NXPE2: variants seen among roughly 807,000 people sequenced by gnomAD.
The protein encoded by NXPE2 is NXPE family member 2.
Under a neutral mutation model 34.4 loss-of-function variants are expected in NXPE2, and 34 were observed. The ratio of observed to expected loss-of-function variants is 0.99; its 90% CI spans 0.75 to 1.31. The LOEUF (loss-of-function observed/expected upper bound fraction) is 1.31. NXPE2 is among the 40% of genes most tolerant of loss of function. The pLI is 0.00. For synonymous variants in NXPE2, 235 were observed against 231.3 expected (o/e 1.02, Z -0.15); for missense variants, 649 against 672.5 (o/e 0.97, Z 0.39).
At chr11:114,704,698 C>T (rs1490820877) in intron 4 of NXPE2, among the ~76,000 whole-genome samples, 1 of 152,172 alleles carries the variant, frequency 6.6e-6, no homozygotes, top group Non-Finnish European at 1.5e-5. Flanking sequence ...TGAGGTCCTA[C>T]TGTACAAAGA....
the NXPE2 span, among the ~76,000 whole-genome samples, chr11:114,593,958 G>A: frequency 2.6e-5 from 4 of 152,066 alleles, no homozygotes; most frequent in African/African-American, 9.7e-5. Flanking sequence ...TTTATTTGTG[G>A]AAGTTAATAC....
chr11:114,593,819 A>G, the NXPE2 span, among the ~76,000 whole-genome samples: 1 of 152,190 alleles, frequency 6.6e-6, no homozygotes, highest in Non-Finnish European at 1.5e-5. Flanking sequence ...TGGTATATAT[A>G]CACAACGGAG....
chr11:114,692,085 T>G (rs1951163462), intron 2 of NXPE2, among the ~76,000 whole-genome samples: 1 of 152,224 alleles, frequency 6.6e-6, no homozygotes, highest in South Asian at 2.1e-4. Context: ...CACTCAATTC[T>G]GACTGTGGGT....
the NXPE2 span, among the ~76,000 whole-genome samples, chr11:114,805,358 C>T: frequency 5.7e-4 from 86 of 152,188 alleles, no homozygotes; most frequent in South Asian, 6.2e-3. Flanking sequence ...GTGGGTGCAG[C>T]GCACCATGCA....
At chr11:114,640,093 A>T in the NXPE2 span, among the ~76,000 whole-genome samples, 1 of 124,010 alleles carries the variant, frequency 8.1e-6, no homozygotes, top group African/African-American at 3.2e-5. Flanking sequence ...AATGTAATAT[A>T]ATATATGATT....
At chr11:114,679,612 A>G (rs1612325) in intron 1 of NXPE2, 45 bp from the exon 2 acceptor site, 1,094,251 of 1,198,950 alleles carry the variant, frequency 0.91, 501,071 homozygotes, top group Admixed American at 0.93. Context: ...GCCATGTCGT[A>G]CTTATTTGAT....
At chr11:114,765,937 C>G in the NXPE2 span, among the ~76,000 whole-genome samples, 1 of 152,268 alleles carries the variant, frequency 6.6e-6, no homozygotes, top group East Asian at 1.9e-4. Flanking sequence ...ACCATCACCA[C>G]TGCTTATATG....
chr11:114,615,785 T>G, the NXPE2 span, among the ~76,000 whole-genome samples: 1 of 151,652 alleles, frequency 6.6e-6, no homozygotes, highest in Non-Finnish European at 1.5e-5. Context: ...GTAACCACTG[T>G]TACCCAATGG....
chr11:114,744,261 G>A, the NXPE2 span, among the ~76,000 whole-genome samples: 11 of 152,278 alleles, frequency 7.2e-5, no homozygotes, highest in South Asian at 2.1e-4. Context: ...TGGCCAAAAC[G>A]TCTGTTACTC....
chr11:114,751,613 A>G, the NXPE2 span, among the ~76,000 whole-genome samples: 1 of 152,146 alleles, frequency 6.6e-6, no homozygotes, highest in South Asian at 2.1e-4. Flanking sequence ...GAGATTTAAA[A>G]GCTTAAATAT....
At chr11:114,652,873 G>A in the NXPE2 span, among the ~76,000 whole-genome samples, 5 of 152,190 alleles carry the variant, frequency 3.3e-5, no homozygotes, top group Non-Finnish European at 1.5e-5. Flanking sequence ...GGTACTGCAA[G>A]CCCAGTGGTG....
the NXPE2 span, among the ~76,000 whole-genome samples, chr11:114,619,928 C>T: frequency 2.0e-5 from 3 of 151,996 alleles, no homozygotes; most frequent in Admixed American, 2.0e-4. Context: ...TCATGGGTAA[C>T]CACTGTTACC....
chr11:114,522,138 C>A, the NXPE2 span: 7 of 1,613,928 alleles, frequency 4.3e-6, no homozygotes, highest in South Asian at 7.7e-5. Context: ...CCATGGAAGT[C>A]TCCAAACCTC....
At chr11:114,570,984 T>C in the NXPE2 span, 1 of 1,610,958 alleles carries the variant, frequency 6.2e-7, no homozygotes, top group Non-Finnish European at 8.5e-7. Context: ...TCCGACTACA[T>C]GTTGAGGTGG....
the NXPE2 span, among the ~76,000 whole-genome samples, chr11:114,742,503 T>A: frequency 1.3e-5 from 2 of 152,182 alleles, no homozygotes; most frequent in African/African-American, 4.8e-5. Flanking sequence ...CCCTCTCACT[T>A]TCCAACTTGG....
chr11:114,781,629 A>C, the NXPE2 span, among the ~76,000 whole-genome samples: 1 of 152,108 alleles, frequency 6.6e-6, no homozygotes, highest in Admixed American at 6.5e-5. Context: ...ATTGGGGAGG[A>C]AGGCGAGATG....
At chr11:114,596,503 G>A in the NXPE2 span, among the ~76,000 whole-genome samples, 1 of 152,124 alleles carries the variant, frequency 6.6e-6, no homozygotes, top group South Asian at 2.1e-4. Flanking sequence ...TAAAAAGATG[G>A]AATCAAGACC....
the NXPE2 span, among the ~76,000 whole-genome samples, chr11:114,565,977 A>G: frequency 6.6e-6 from 1 of 152,196 alleles, no homozygotes; most frequent in Non-Finnish European, 1.5e-5. Context: ...TGAGAGAAGT[A>G]AATGAATCAA....
chr11:114,794,851 G>A, the NXPE2 span, among the ~76,000 whole-genome samples: 1 of 125,396 alleles, frequency 8.0e-6, no homozygotes, highest in Non-Finnish European at 1.7e-5. Flanking sequence ...TTGCACCCCC[G>A]CCCCCCCCAA....
Sources: allele counts gnomAD v4.1 joint callset (sites outside exome capture counted in the v4.1 genomes callset), GRCh38; gene constraint gnomAD v4.1.1; transcripts MANE v1.5; gene names NCBI Gene and HGNC (gene_info 2026-07-23, HGNC 2026-07-21).